HMSD: variants seen among roughly 807,000 people sequenced by gnomAD.
HMSD encodes the protein serpin-like protein HMSD.
In HMSD, 13 loss-of-function variants were observed where a neutral mutation model predicts 10.0. The observed-to-expected ratio is 1.31, with a 90% confidence interval of 0.85 to 2.08. The LOEUF (loss-of-function observed/expected upper bound fraction) is 2.08. Ranked by LOEUF, HMSD falls within the 30% of genes most tolerant of loss-of-function variation. The pLI is 0.00. For synonymous variants in HMSD, 51 were observed against 54.2 expected (o/e 0.94, Z 0.26); for missense variants, 169 against 166.3 (o/e 1.02, Z -0.09).
intron 1 of HMSD, among the ~76,000 whole-genome samples, chr18:63,950,261 C>T (rs2050322467): frequency 6.6e-6 from 1 of 151,436 alleles, no homozygotes; most frequent in Non-Finnish European, 1.5e-5. Context: ...ACTAAAAATA[C>T]AAAAATTAGC....
chr18:63,960,359 G>T lies in HMSD; in HGVS notation c.*4G>T, dbSNP rs1252801327. On this transcript the variant is annotated 3_prime_UTR_variant, in exon 4 of 4. Coordinates refer to ENST00000408945, the MANE Select transcript of HMSD (RefSeq NM_001123366.2). Reference sequence around the variant, plus strand: ...TTTACAAAACTGTCAAATATAAAAAGGAGTCCTTTTTTCTCTAAACAACTA... The same window carrying T: ...TTTACAAAACTGTCAAATATAAAAATGAGTCCTTTTTTCTCTAAACAACTA... The T allele has an allele frequency of 6.4e-7, 1 of 1,571,272 alleles. No individual in the cohort carries two copies. The highest frequency in any genetic ancestry group is 8.6e-7 in the Non-Finnish European group (1 of 1,160,314).
At chr18:63,967,419 C>A (rs1011901384) in intron 3 of HMSD, among the ~76,000 whole-genome samples, 7 of 152,332 alleles carry the variant, frequency 4.6e-5, no homozygotes, top group Admixed American at 1.3e-4. Flanking sequence ...CAGGCATGAG[C>A]CACTGTGCCC....
chr18:63,968,344 A>T (rs1173764232), intron 3 of HMSD: 2 of 152,254 alleles, frequency 1.3e-5, no homozygotes, highest in Non-Finnish European at 2.9e-5. Flanking sequence ...ATAGTCCACA[A>T]GGGAACGAAG....
chr18:63,962,980 G>A (rs73961849), downstream of HMSD, among the ~76,000 whole-genome samples: 3,935 of 152,154 alleles, frequency 0.026, 167 homozygotes, highest in African/African-American at 0.086. Context: ...GGCGTATCTA[G>A]TGGCTGTTGG....
At chr18:63,950,853 T>C (rs1374023716) in intron 1 of HMSD, among the ~76,000 whole-genome samples, 1 of 152,214 alleles carries the variant, frequency 6.6e-6, no homozygotes, top group African/African-American at 2.4e-5. Flanking sequence ...AGAGCCCATG[T>C]CCCAACCATC....
chr18:63,950,628 T>C (rs1283011602), intron 1 of HMSD, among the ~76,000 whole-genome samples: 1 of 151,866 alleles, frequency 6.6e-6, no homozygotes, highest in Non-Finnish European at 1.5e-5. Context: ...GAAAGCCAAC[T>C]TGTGGATAGA....
chr18:63,966,355 A>T (rs896046320), downstream of HMSD: 3 of 152,250 alleles, frequency 2.0e-5, no homozygotes, highest in Non-Finnish European at 4.4e-5. Flanking sequence ...AACTCAAAGG[A>T]CTAACCAAAT....
downstream of HMSD, among the ~76,000 whole-genome samples, chr18:63,964,866 A>G (rs567904451): frequency 1.3e-5 from 2 of 152,346 alleles, no homozygotes; most frequent in South Asian, 2.1e-4. Context: ...TTGTGAGGAC[A>G]TAATACAGTC....
intron 1 of HMSD, among the ~76,000 whole-genome samples, chr18:63,952,015 C>T (rs2050333046): frequency 6.6e-6 from 1 of 151,372 alleles, no homozygotes; most frequent in Non-Finnish European, 1.5e-5. Flanking sequence ...TGGAAATCAT[C>T]ATTCTCAGTA....
At chr18:63,955,906 C>A (rs2050355503) in intron 3 of HMSD, among the ~76,000 whole-genome samples, 1 of 152,196 alleles carries the variant, frequency 6.6e-6, no homozygotes, top group Admixed American at 6.5e-5. Context: ...CCACAGGGAC[C>A]TATGCAAGAT....
intron 1 of HMSD, among the ~76,000 whole-genome samples, chr18:63,952,699 C>T (rs1232390486): frequency 6.6e-6 from 1 of 152,088 alleles, no homozygotes; most frequent in Non-Finnish European, 1.5e-5. Flanking sequence ...CTGTTTTTAT[C>T]AGTACTTGTG....
At chr18:63,956,716 A>G (rs982648117) in intron 3 of HMSD, among the ~76,000 whole-genome samples, 4 of 152,202 alleles carry the variant, frequency 2.6e-5, no homozygotes, top group Non-Finnish European at 5.9e-5. Flanking sequence ...TGACCCAGCA[A>G]TCCCATTATT....
At chr18:63,954,996 C>T (rs1599109002) in intron 3 of HMSD, among the ~76,000 whole-genome samples, 1 of 152,324 alleles carries the variant, frequency 6.6e-6, no homozygotes, top group South Asian at 2.1e-4. Context: ...GCTGACAATG[C>T]TTTCATGACT....
intron 1 of HMSD, among the ~76,000 whole-genome samples, chr18:63,952,116 A>C (rs1432659332): frequency 4.0e-5 from 5 of 124,296 alleles, no homozygotes; most frequent in Non-Finnish European, 8.0e-5. Context: ...AGGAAGGGGA[A>C]TATCACACTC....
chr18:63,960,255 G>A lies in HMSD; in HGVS notation c.320G>A (p.Trp107Ter). 1.2e-6 allele frequency: 2 copies of A among 1,613,292 alleles called. No homozygotes were observed. Among genetic ancestry groups the A allele is most frequent in the Non-Finnish European group, 1.7e-6 (2 of 1,179,766 alleles). Residue 107 changes from tryptophan (W) to a stop codon, truncating the protein, a stop_gained, in exon 4 of 4, where the codon TGG becomes TAG. Coordinates refer to ENST00000408945, the MANE Select transcript of HMSD (RefSeq NM_001123366.2). LOFTEE classifies it high-confidence loss of function. ...TEKSTTRVNS[W>*]VADKTKGENI... is the part of the protein sequence containing the mutation. ...AAGTCCACAACACGTGTAAACTCCT[G>A]GGTTGCTGATAAAACTAAAGGTGAA...
intron 2 of HMSD, 60 bp from the exon 3 acceptor site, chr18:63,954,348 C>G (rs1309705721): frequency 8.3e-7 from 1 of 1,201,492 alleles, no homozygotes; most frequent in African/African-American, 1.5e-5. Flanking sequence ...ACTGTTGTGC[C>G]TATATTTTGA....
intron 1 of HMSD, among the ~76,000 whole-genome samples, chr18:63,952,677 T>C (rs188602051): frequency 6.6e-4 from 100 of 152,342 alleles, no homozygotes; most frequent in Non-Finnish European, 4.4e-5. Flanking sequence ...TCAGTAGTCA[T>C]CTTTCTGCAT....
Position 63,960,723 on chromosome 18 carries a change from C to A in HMSD, c.*368C>A, listed in dbSNP as rs55948533. 9,134 of 174,760 alleles carry A rather than the reference C, an allele frequency of 0.052. 296 individuals are homozygous for A. The highest frequency in any genetic ancestry group is 0.068 in the African/African-American group (2,850 of 41,690). The allele number at this position is 174,760 out of a possible 1,614,324, so 10.8% of individuals were successfully genotyped here. On this transcript the variant is annotated 3_prime_UTR_variant, in exon 4 of 4. Coordinates refer to ENST00000408945, the MANE Select transcript of HMSD (RefSeq NM_001123366.2). ...TCTAGGGCACAGCTAAAAAGACATT[C>A]CATCAACCCCCTTGCAGCCAGAAAG...
At chr18:63,951,513 A>AG (rs1482569541) in intron 1 of HMSD, among the ~76,000 whole-genome samples, 1 of 152,382 alleles carries the variant, frequency 6.6e-6, no homozygotes, top group East Asian at 1.9e-4. Flanking sequence ...GAGCATACGA[A>AG]GAAATTACTG....
Sources: gnomAD v4.1 joint callset for allele counts (sites outside exome capture counted in the v4.1 genomes callset) on GRCh38, gnomAD v4.1.1 for gene constraint, MANE v1.5 for transcripts, NCBI Gene and HGNC (gene_info 2026-07-23, HGNC 2026-07-21) for gene names.